The following GALNTL6 variants were observed in gnomAD, a reference collection of about 807,000 sequenced individuals.
The protein encoded by GALNTL6 is polypeptide N-acetylgalactosaminyltransferase-like 6.
In GALNTL6, 46 loss-of-function variants were observed where a neutral mutation model predicts 73.7. The observed-to-expected ratio is 0.62, with a 90% CI of 0.49 to 0.80. The LOEUF is 0.80. Ranked by LOEUF, GALNTL6 falls within the 30% of genes least tolerant of loss-of-function variation. The pLI, the probability that GALNTL6 is intolerant of heterozygous loss-of-function variation, is 0.00. For missense variants in GALNTL6, 604 were observed against 755.0 expected (o/e 0.80, Z 2.34); for synonymous variants, 259 against 263.7 (o/e 0.98, Z 0.17).
chr4:172,592,007 A>G (rs1398646796), intron 5 of GALNTL6, among the ~76,000 whole-genome samples: 1 of 152,228 alleles, frequency 6.6e-6, no homozygotes, highest in Non-Finnish European at 1.5e-5. Flanking sequence ...CTCCATCTGC[A>G]TTAAAAGCAG....
chr4:172,167,648 A>G (rs1734669124), intron 2 of GALNTL6, among the ~76,000 whole-genome samples: 1 of 152,216 alleles, frequency 6.6e-6, no homozygotes, highest in Admixed American at 6.5e-5. Flanking sequence ...TGCTGTTGTG[A>G]CATAAAATAT....
At chr4:172,534,549 G>A (rs1735277950) in intron 5 of GALNTL6, among the ~76,000 whole-genome samples, 1 of 151,534 alleles carries the variant, frequency 6.6e-6, no homozygotes, top group African/African-American at 2.4e-5. Flanking sequence ...GATGAAATAT[G>A]TAATTCTCAA....
At chr4:172,765,110 T>C (rs1738333037) in intron 5 of GALNTL6, among the ~76,000 whole-genome samples, 1 of 152,194 alleles carries the variant, frequency 6.6e-6, no homozygotes, top group South Asian at 2.1e-4. Flanking sequence ...TTTTCAACTG[T>C]ATATCACAGA....
intron 5 of GALNTL6, among the ~76,000 whole-genome samples, chr4:172,660,284 A>G (rs1731297318): frequency 6.6e-6 from 1 of 152,222 alleles, no homozygotes; most frequent in African/African-American, 2.4e-5. Flanking sequence ...CCACTAGAGC[A>G]TACTCTAGAT....
intron 3 of GALNTL6, among the ~76,000 whole-genome samples, chr4:172,244,609 T>C (rs922665806): frequency 1.3e-5 from 2 of 152,184 alleles, no homozygotes; most frequent in African/African-American, 4.8e-5. Context: ...CTTTAGTGTT[T>C]GTCTTGCATA....
intron 4 of GALNTL6, among the ~76,000 whole-genome samples, chr4:172,319,457 G>C (rs989928124): frequency 3.3e-5 from 5 of 152,116 alleles, no homozygotes; most frequent in Non-Finnish European, 7.4e-5. Flanking sequence ...CATTTATAAA[G>C]ATTCTTGATT....
At chr4:172,997,703 G>C (rs1174679861) in intron 10 of GALNTL6, among the ~76,000 whole-genome samples, 4 of 152,140 alleles carry the variant, frequency 2.6e-5, no homozygotes, top group Non-Finnish European at 5.9e-5. Flanking sequence ...CAGTAAGATA[G>C]AGGGAGTAAA....
chr4:172,149,680 AT>A (rs749121889), intron 2 of GALNTL6, among the ~76,000 whole-genome samples: 18 of 152,256 alleles, frequency 1.2e-4, no homozygotes, highest in Non-Finnish European at 2.5e-4. Flanking sequence ...CTGGAGTTTT[AT>A]TCCAGAAATC....
intron 5 of GALNTL6, among the ~76,000 whole-genome samples, chr4:172,755,524 C>A (rs1338504026): frequency 1.3e-5 from 2 of 152,176 alleles, no homozygotes; most frequent in African/African-American, 4.8e-5. Context: ...ACCTTGCACA[C>A]TGCTGGTTCA....
At chr4:172,729,130 C>T (rs1229967691) in intron 5 of GALNTL6, among the ~76,000 whole-genome samples, 1 of 152,070 alleles carries the variant, frequency 6.6e-6, no homozygotes, top group Non-Finnish European at 1.5e-5. Flanking sequence ...GGTTATTAAT[C>T]CCCTTTCAGA....
At chr4:171,854,773 G>C (rs1256935731) in intron 2 of GALNTL6, among the ~76,000 whole-genome samples, 1 of 152,106 alleles carries the variant, frequency 6.6e-6, no homozygotes, top group Non-Finnish European at 1.5e-5. Flanking sequence ...GAGGCTCTCT[G>C]GAATCTCTTT....
chr4:172,460,286 A>G (rs539059266), intron 5 of GALNTL6, among the ~76,000 whole-genome samples: 1 of 152,306 alleles, frequency 6.6e-6, no homozygotes, highest in East Asian at 1.9e-4. Context: ...AACCTAGGCA[A>G]TACCATTTAG....
chr4:171,969,604 G>T (rs1739499536), intron 2 of GALNTL6, among the ~76,000 whole-genome samples: 1 of 152,110 alleles, frequency 6.6e-6, no homozygotes, highest in African/African-American at 2.4e-5. Flanking sequence ...GCTTTTTAGA[G>T]AACCTTTTAT....
In GALNTL6 at chr4:171,927,181, T is replaced by A. The variant is rs186014618; in HGVS notation, c.138+112463T>A. ...TCTTCATTCTGTTCCATTAAGAAAA[T>A]TCCATGTTGTTTTAAGAAATATACA... On this transcript the variant is annotated intron_variant, in intron 2 of 12. Coordinates refer to ENST00000506823, the MANE Select transcript of GALNTL6 (RefSeq NM_001034845.3). 6.4e-3 allele frequency among the ~76,000 whole-genome samples: 971 copies of A among 152,258 alleles called. 12 individuals are homozygous for A. Among genetic ancestry groups the A allele is most frequent in the African/African-American group, 0.023 (940 of 41,574 alleles).
intron 5 of GALNTL6, among the ~76,000 whole-genome samples, chr4:172,483,953 G>A (rs575827753): frequency 6.6e-6 from 1 of 152,274 alleles, no homozygotes; most frequent in South Asian, 2.1e-4. Flanking sequence ...GGACAATAAG[G>A]AATATGAGTT....
chr4:172,400,269 C>T (rs2111322169), intron 5 of GALNTL6, among the ~76,000 whole-genome samples: 1 of 152,190 alleles, frequency 6.6e-6, no homozygotes, highest in African/African-American at 2.4e-5. Context: ...CTGGCACTTA[C>T]CTATTACCTA....
At chr4:171,930,644 G>A (rs937186181) in intron 2 of GALNTL6, among the ~76,000 whole-genome samples, 4 of 152,056 alleles carry the variant, frequency 2.6e-5, no homozygotes, top group Non-Finnish European at 5.9e-5. Flanking sequence ...AGACCAGCCT[G>A]GCAAACATAG....
chr4:172,213,787 T>A (rs1184412516), intron 2 of GALNTL6, among the ~76,000 whole-genome samples: 3 of 152,114 alleles, frequency 2.0e-5, no homozygotes, highest in Non-Finnish European at 4.4e-5. Context: ...AAAGCAGAAG[T>A]TTTTAATTTA....
intron 2 of GALNTL6, among the ~76,000 whole-genome samples, chr4:171,816,870 A>G (rs1734538811): frequency 6.6e-6 from 1 of 151,998 alleles, no homozygotes; most frequent in Non-Finnish European, 1.5e-5. Context: ...TAAGTCATTA[A>G]TATTGATATT....
Sources: allele counts gnomAD v4.1 joint callset (sites outside exome capture counted in the v4.1 genomes callset), GRCh38; gene constraint gnomAD v4.1.1; transcripts MANE v1.5; gene names NCBI Gene and HGNC (gene_info 2026-07-23, HGNC 2026-07-21).